The following IL33 variants were observed in gnomAD, a reference collection of about 807,000 sequenced individuals.
IL33 encodes the protein interleukin-33.
IL33 carries 37 observed loss-of-function variants against 27.3 expected under a neutral mutation model. The observed-to-expected ratio is 1.36, with a 90% CI of 1.04 to 1.78. The LOEUF is 1.78. Ranked by LOEUF, IL33 falls within the 40% of genes most tolerant of loss-of-function variation. The pLI is 0.00. For missense variants in IL33, 406 were observed against 311.4 expected, an observed-to-expected ratio of 1.30 and a Z score of -2.29; for synonymous variants, 132 against 102.9, an observed-to-expected ratio of 1.28 and a Z score of -1.71.
chr9:6,231,337 C>G (rs894755346), intron 1 of IL33, among the ~76,000 whole-genome samples: 2 of 152,168 alleles, frequency 1.3e-5, no homozygotes, highest in Admixed American at 1.3e-4. Flanking sequence ...TCACATTATG[C>G]TCTCCCCATT....
At chr9:6,220,692 G>A (rs746879393) in intron 1 of IL33, among the ~76,000 whole-genome samples, 5 of 152,000 alleles carry the variant, frequency 3.3e-5, no homozygotes, top group African/African-American at 7.2e-5. Flanking sequence ...TAGCAATCCT[G>A]TTTAACAATA....
intron 1 of IL33, among the ~76,000 whole-genome samples, chr9:6,239,235 AC>A (rs1819396030): frequency 6.6e-6 from 1 of 152,186 alleles, no homozygotes; most frequent in East Asian, 1.9e-4. Flanking sequence ...CTCAGTGAAC[AC>A]ATTCCTTTCC....
intron 2 of IL33, among the ~76,000 whole-genome samples, chr9:6,249,879 T>C (rs1160628661): frequency 6.6e-6 from 1 of 152,190 alleles, no homozygotes. Flanking sequence ...CTGTAGACAC[T>C]TAGCAAATGG....
intron 1 of IL33, among the ~76,000 whole-genome samples, chr9:6,240,480 A>G (rs7022587): frequency 0.99 from 150,856 of 152,310 alleles, 74,717 homozygotes; most frequent in South Asian, 1. Context: ...TGTAGGCTTC[A>G]GAGAGAATAG....
rs1816282996 is a variant in IL33, at chr9:6,250,462, T to C, written c.92-12T>C. The C allele has an allele frequency of 3.1e-6, 5 of 1,611,294 alleles. No individual in the cohort carries two copies. The highest frequency in any genetic ancestry group is 4.2e-6 in the Non-Finnish European group (5 of 1,178,808). On this transcript the variant is annotated splice_polypyrimidine_tract_variant and intron_variant, in intron 2 of 7. Transcript: ENST00000682010. The stretch of plus-strand genomic sequence containing the variant: ...GGAATGAAACAGTCTCACAAGTTTT[T>C]CAATTGTTTAGAATCCCAACAGAAG...
At chr9:6,234,264 C>T (rs1169998157) in intron 1 of IL33, among the ~76,000 whole-genome samples, 3 of 152,232 alleles carry the variant, frequency 2.0e-5, no homozygotes, top group Non-Finnish European at 4.4e-5. Flanking sequence ...CCTCTGGCCA[C>T]CTAGTTCCAA....
chr9:6,217,587 C>G (rs984221969), intron 1 of IL33, among the ~76,000 whole-genome samples: 4 of 152,086 alleles, frequency 2.6e-5, no homozygotes, highest in African/African-American at 9.7e-5. Flanking sequence ...GAGGTACCAC[C>G]CCCTCAAAAA....
In IL33 at chr9:6,253,574, T is replaced by C. The variant is rs750384807; in HGVS notation, c.492T>C (p.Tyr164=). The C allele has an allele frequency of 6.2e-7, 1 of 1,608,766 alleles. No individual in the cohort carries two copies. Among genetic ancestry groups the C allele is most frequent in the Non-Finnish European group, 8.5e-7 (1 of 1,176,472 alleles). Reference sequence around the variant, plus strand: ...CAGATAAGGTGTTACTGAGTTACTATGAGTCTCAACACCCCTCAAATGAAT... The same window carrying C: ...CAGATAAGGTGTTACTGAGTTACTACGAGTCTCAACACCCCTCAAATGAAT... ...EKKDKVLLSY[Y]ESQHPSNESG... Residue 164 remains tyrosine (Y), a synonymous_variant, in exon 6 of 8, where the codon TAT becomes TAC. Transcript: ENST00000682010.
intron 1 of IL33, among the ~76,000 whole-genome samples, chr9:6,232,691 A>T (rs1269650136): frequency 1.3e-5 from 2 of 152,188 alleles, no homozygotes; most frequent in Non-Finnish European, 2.9e-5. Context: ...GGGCCCAACT[A>T]CTTAAACTAA....
At chr9:6,235,427 TATC>T (rs1411438393) in intron 1 of IL33, among the ~76,000 whole-genome samples, 2 of 152,192 alleles carry the variant, frequency 1.3e-5, no homozygotes, top group Non-Finnish European at 2.9e-5. Context: ...TTTTAGATAA[TATC>T]ATAAGTAAAT....
At chr9:6,234,282 C>T (rs1819071997) in intron 1 of IL33, among the ~76,000 whole-genome samples, 1 of 152,234 alleles carries the variant, frequency 6.6e-6, no homozygotes, top group Non-Finnish European at 1.5e-5. Context: ...CAACTCCCTG[C>T]TGAAATGTCC....
At chr9:6,242,062 T>A (rs892284943) in intron 2 of IL33, 10 of 200,034 alleles carry the variant, frequency 5.0e-5, no homozygotes, top group Non-Finnish European at 9.2e-5. Flanking sequence ...GCCTTTTATA[T>A]CAACCACTTT....
At chr9:6,255,505 G>T (rs1191990671) in intron 7 of IL33, among the ~76,000 whole-genome samples, 1 of 151,910 alleles carries the variant, frequency 6.6e-6, no homozygotes, top group African/African-American at 2.4e-5. Context: ...TGTTGTATTG[G>T]TCAACTGTTG....
At chr9:6,240,256 G>A (rs1408894568) in intron 1 of IL33, among the ~76,000 whole-genome samples, 2 of 152,266 alleles carry the variant, frequency 1.3e-5, no homozygotes, top group Middle Eastern at 3.4e-3. Context: ...TGCATTTTAG[G>A]GAGACATGAG....
intron 1 of IL33, among the ~76,000 whole-genome samples, chr9:6,233,348 T>G (rs1260630937): frequency 6.6e-6 from 1 of 152,150 alleles, no homozygotes; most frequent in South Asian, 2.1e-4. Context: ...CTTCACATCT[T>G]CTCTCATTCT....
chr9:6,255,820 C>G (rs1292757282), intron 7 of IL33, 148 bp from the exon 8 acceptor site: 1 of 640,088 alleles, frequency 1.6e-6, no homozygotes, highest in Non-Finnish European at 2.8e-6. Context: ...TCACTTCTCC[C>G]CCTCTTCCCT....
At chr9:6,217,119 G>A (rs1363394229) in intron 1 of IL33, among the ~76,000 whole-genome samples, 1 of 152,060 alleles carries the variant, frequency 6.6e-6, no homozygotes, top group Non-Finnish European at 1.5e-5. Flanking sequence ...CCTCGTGTAT[G>A]CACTGAGTCT....
chr9:6,228,403 T>C (rs948939682), intron 1 of IL33, among the ~76,000 whole-genome samples: 2 of 152,234 alleles, frequency 1.3e-5, no homozygotes, highest in Non-Finnish European at 2.9e-5. Context: ...ATTCAGAATT[T>C]TTACATTACT....
intron 1 of IL33, among the ~76,000 whole-genome samples, chr9:6,240,972 T>G (rs1027406424): frequency 6.6e-6 from 1 of 152,148 alleles, no homozygotes; most frequent in Non-Finnish European, 1.5e-5. Context: ...CTTTTTACGC[T>G]TTTTCCTTAA....
Sources: gnomAD v4.1 joint callset for allele counts (sites outside exome capture counted in the v4.1 genomes callset) on GRCh38, gnomAD v4.1.1 for gene constraint, MANE v1.5 for transcripts, NCBI Gene and HGNC (gene_info 2026-07-23, HGNC 2026-07-21) for gene names.